Variants in NEK11 observed in about 807,000 individuals in gnomAD.
NEK11 encodes NIMA related kinase 11, also known as serine/threonine-protein kinase Nek11.
A neutral mutation model predicts 80.7 loss-of-function variants in NEK11; 72 were observed. That is an observed-to-expected ratio of 0.89 (90% CI 0.74 to 1.08). The LOEUF (loss-of-function observed/expected upper bound fraction) is 1.08, where lower values mean the gene tolerates loss of function less well. NEK11 is among the 50% of genes least tolerant of loss of function. NEK11 has a pLI of 0.00. For missense variants in NEK11, 764 were observed against 763.6 expected (o/e 1.00, Z -0.01); for synonymous variants, 251 against 260.7 (o/e 0.96, Z 0.36).
At chr3:131,184,583 C>T (rs1008906911) in intron 14 of NEK11, 22 of 315,962 alleles carry the variant, frequency 7.0e-5, no homozygotes, top group Non-Finnish European at 5.8e-6. Flanking sequence ...TCTTAAACAG[C>T]ATACATTTCA....
At chr3:131,091,264 GT>G (rs1349555255) in intron 4 of NEK11, among the ~76,000 whole-genome samples, 2 of 152,110 alleles carry the variant, frequency 1.3e-5, no homozygotes, top group African/African-American at 4.8e-5. Context: ...TCTTTTTAAA[GT>G]TCTACCCAGA....
intron 13 of NEK11, among the ~76,000 whole-genome samples, 178 bp from the exon 14 acceptor site, chr3:131,170,595 T>G (rs1579507842): frequency 6.6e-6 from 1 of 152,234 alleles, no homozygotes; most frequent in African/African-American, 2.4e-5. Context: ...ACCTGTCTCA[T>G]TGATTCAGGG....
At chr3:131,073,535 T>C (rs545708531) in intron 3 of NEK11, among the ~76,000 whole-genome samples, 1 of 152,360 alleles carries the variant, frequency 6.6e-6, no homozygotes, top group African/African-American at 2.4e-5. Flanking sequence ...AATACTCATA[T>C]GCTGCTAAAA....
intron 15 of NEK11, among the ~76,000 whole-genome samples, chr3:131,230,139 T>TA (rs1399919354): frequency 7.6e-6 from 1 of 131,112 alleles, no homozygotes; most frequent in Non-Finnish European, 1.6e-5. Flanking sequence ...CATCAAGCGG[T>TA]AAAATTTTAG....
chr3:131,080,631 C>A, intron 4 of NEK11, 43 bp downstream of exon 4: 1 of 1,544,208 alleles, frequency 6.5e-7, no homozygotes, highest in Non-Finnish European at 8.8e-7. Context: ...TAAAAACTTG[C>A]TGAATGGTAA....
intron 14 of NEK11, chr3:131,174,802 C>A: frequency 6.2e-7 from 1 of 1,610,050 alleles, no homozygotes; most frequent in Non-Finnish European, 8.5e-7. Flanking sequence ...GTGTTTTTTC[C>A]AAAGCTGGAA....
At chr3:131,271,554 G>A (rs1194856552) in intron 16 of NEK11, among the ~76,000 whole-genome samples, 1 of 152,118 alleles carries the variant, frequency 6.6e-6, no homozygotes, top group African/African-American at 2.4e-5. Flanking sequence ...CAGCACTTTG[G>A]CAGGCCGAGG....
intron 7 of NEK11, among the ~76,000 whole-genome samples, chr3:131,135,947 A>G (rs543750916): frequency 6.6e-6 from 1 of 152,194 alleles, no homozygotes; most frequent in East Asian, 1.9e-4. Context: ...TATTTGTCTC[A>G]GTTATGTCAG....
chr3:131,088,417 G>A (rs565256860), intron 4 of NEK11, among the ~76,000 whole-genome samples: 5 of 152,178 alleles, frequency 3.3e-5, no homozygotes, highest in Admixed American at 2.6e-4. Flanking sequence ...CAATTGAAAA[G>A]CAAGACTAGT....
chr3:131,166,855 T>C (rs1011572253), intron 12 of NEK11, among the ~76,000 whole-genome samples: 1 of 152,110 alleles, frequency 6.6e-6, no homozygotes, highest in Non-Finnish European at 1.5e-5. Flanking sequence ...CTCTGAAAAC[T>C]GGGTGCATTT....
intron 17 of NEK11, among the ~76,000 whole-genome samples, chr3:131,310,865 C>T (rs2096774849): frequency 6.6e-6 from 1 of 152,174 alleles, no homozygotes; most frequent in Non-Finnish European, 1.5e-5. Context: ...GTTGTCAATA[C>T]CCTTGACGGG....
At chr3:131,289,085 T>C (rs1414859401) in intron 17 of NEK11, among the ~76,000 whole-genome samples, 1 of 152,236 alleles carries the variant, frequency 6.6e-6, no homozygotes, top group Non-Finnish European at 1.5e-5. Flanking sequence ...ATATATTTTC[T>C]GACAGTTTTG....
intron 15 of NEK11, among the ~76,000 whole-genome samples, chr3:131,232,167 T>C (rs1329747131): frequency 6.6e-6 from 1 of 152,168 alleles, no homozygotes; most frequent in Non-Finnish European, 1.5e-5. Flanking sequence ...CTCTGCCAAG[T>C]CTGTGGTCAC....
chr3:131,108,744 C>G (rs536122596), intron 4 of NEK11, among the ~76,000 whole-genome samples: 28 of 152,030 alleles, frequency 1.8e-4, no homozygotes, highest in Non-Finnish European at 2.6e-4. Context: ...TAGAGCTTAA[C>G]TAAATGCTTA....
chr3:131,161,057 C>T (rs1410576078), intron 10 of NEK11, among the ~76,000 whole-genome samples: 1 of 151,672 alleles, frequency 6.6e-6, no homozygotes, highest in East Asian at 1.9e-4. Context: ...GTAGCGTGTG[C>T]CTGTAGTCCC....
intron 16 of NEK11, among the ~76,000 whole-genome samples, chr3:131,263,072 T>C (rs2095963465): frequency 6.6e-6 from 1 of 152,098 alleles, no homozygotes; most frequent in African/African-American, 2.4e-5. Context: ...AGTTCTAGGG[T>C]ATATGTACAC....
At chr3:131,227,110 A>G (rs182300064) in intron 14 of NEK11, among the ~76,000 whole-genome samples, 1 of 151,704 alleles carries the variant, frequency 6.6e-6, no homozygotes, top group Non-Finnish European at 1.5e-5. Flanking sequence ...TCCCTAGTAC[A>G]CTGCTTTCTA....
At chr3:131,100,944 A>G (rs921580892) in intron 4 of NEK11, among the ~76,000 whole-genome samples, 1 of 151,970 alleles carries the variant, frequency 6.6e-6, no homozygotes, top group African/African-American at 2.4e-5. Context: ...CAGAGTTTTA[A>G]TCTCTTCCTG....
At chr3:131,120,967 G>A (rs1332246929) in intron 5 of NEK11, among the ~76,000 whole-genome samples, 2 of 152,166 alleles carry the variant, frequency 1.3e-5, no homozygotes, top group Non-Finnish European at 2.9e-5. Context: ...CCTATCGGCT[G>A]AACCCTTCTT....
Sources: allele counts gnomAD v4.1 joint callset (sites outside exome capture counted in the v4.1 genomes callset), GRCh38; gene constraint gnomAD v4.1.1; transcripts MANE v1.5; gene names NCBI Gene and HGNC (gene_info 2026-07-23, HGNC 2026-07-21).